CSMD1: variants seen among roughly 807,000 people sequenced by gnomAD.
The protein encoded by CSMD1 is CUB and sushi domain-containing protein 1.
In CSMD1, 213 loss-of-function variants were observed where a neutral mutation model predicts 417.5. The observed-to-expected ratio is 0.51, with a 90% CI of 0.46 to 0.57. The LOEUF (loss-of-function observed/expected upper bound fraction) is 0.57, where lower values mean the gene tolerates loss of function less well. CSMD1 is among the 20% of genes least tolerant of loss of function. The pLI, the probability that CSMD1 is intolerant of heterozygous loss-of-function variation, is 0.00. For synonymous variants in CSMD1, 2,862 were observed against 1,736.8 expected (o/e 1.65, Z -16.11); for missense variants, 6,923 against 4,529.7 (o/e 1.53, Z -15.17).
chr8:4,481,637 G>C (rs1442607726), intron 2 of CSMD1, among the ~76,000 whole-genome samples: 1 of 152,100 alleles, frequency 6.6e-6, no homozygotes, highest in Non-Finnish European at 1.5e-5. Flanking sequence ...GGAAATAAAA[G>C]CACCAAGAGG....
intron 41 of CSMD1, among the ~76,000 whole-genome samples, chr8:3,141,934 A>T (rs1026779626): frequency 4.6e-5 from 7 of 151,434 alleles, no homozygotes; most frequent in African/African-American, 1.5e-4. Flanking sequence ...AGTAGCTGGG[A>T]CTACAGGCGC....
At chr8:4,381,655 A>T (rs1231231578) in intron 3 of CSMD1, among the ~76,000 whole-genome samples, 1 of 151,960 alleles carries the variant, frequency 6.6e-6, no homozygotes, top group Non-Finnish European at 1.5e-5. Context: ...CCATCCCCCA[A>T]CCCTCATTCC....
chr8:2,968,567 T>C (rs1804170883), intron 57 of CSMD1, among the ~76,000 whole-genome samples: 1 of 152,194 alleles, frequency 6.6e-6, no homozygotes, highest in South Asian at 2.1e-4. Context: ...GAAAGTAAAA[T>C]TCATGATTAG....
At chr8:4,623,845 G>C (rs1168240691) in intron 2 of CSMD1, among the ~76,000 whole-genome samples, 1 of 152,060 alleles carries the variant, frequency 6.6e-6, no homozygotes, top group Non-Finnish European at 1.5e-5. Flanking sequence ...ACAAAACTTA[G>C]AACACAGGAT....
intron 5 of CSMD1, among the ~76,000 whole-genome samples, chr8:3,804,351 G>C (rs915192387): frequency 6.6e-6 from 1 of 152,022 alleles, no homozygotes; most frequent in African/African-American, 2.4e-5. Context: ...AAAAGAAGCA[G>C]TATCAAAAAT....
At chr8:3,777,926 T>C (rs566765978) in intron 5 of CSMD1, among the ~76,000 whole-genome samples, 43 of 151,642 alleles carry the variant, frequency 2.8e-4, no homozygotes, top group African/African-American at 1.0e-3. Flanking sequence ...CGCAGCCTCC[T>C]TGAAGGGCAG....
At chr8:2,993,011 G>A (rs1392515391) in intron 54 of CSMD1, among the ~76,000 whole-genome samples, 3 of 152,144 alleles carry the variant, frequency 2.0e-5, no homozygotes, top group Non-Finnish European at 2.9e-5. Context: ...GGGACTAAAA[G>A]CATGAGTCAC....
At chr8:2,993,814 C>A (rs1028028476) in intron 54 of CSMD1, among the ~76,000 whole-genome samples, 1 of 151,922 alleles carries the variant, frequency 6.6e-6, no homozygotes, top group Admixed American at 6.6e-5. Flanking sequence ...TGGAGTTACT[C>A]CCCTGCATTG....
chr8:3,437,771 A>G (rs554881417), intron 12 of CSMD1, among the ~76,000 whole-genome samples: 1 of 148,228 alleles, frequency 6.7e-6, no homozygotes, highest in African/African-American at 2.5e-5. Context: ...TTTTTGTTTC[A>G]GAGTCTTGCT....
chr8:4,001,473 T>C (rs995536296), intron 4 of CSMD1, among the ~76,000 whole-genome samples: 2 of 152,170 alleles, frequency 1.3e-5, no homozygotes, highest in Non-Finnish European at 2.9e-5. Flanking sequence ...GGTTCTTTTT[T>C]ATTTTAACAG....
intron 8 of CSMD1, among the ~76,000 whole-genome samples, chr8:3,594,818 G>T (rs1801016667): frequency 6.6e-6 from 1 of 152,314 alleles, no homozygotes; most frequent in East Asian, 1.9e-4. Context: ...ACCGCGGTGT[G>T]TCATTCACCT....
chr8:3,508,306 G>C (rs563209326), intron 10 of CSMD1, among the ~76,000 whole-genome samples: 1 of 150,774 alleles, frequency 6.6e-6, no homozygotes, highest in African/African-American at 2.4e-5. Flanking sequence ...CCCAGGGCAG[G>C]TGAGAACACT....
At chr8:4,189,298 T>C (rs1032515641) in intron 3 of CSMD1, among the ~76,000 whole-genome samples, 1 of 152,148 alleles carries the variant, frequency 6.6e-6, no homozygotes, top group African/African-American at 2.4e-5. Flanking sequence ...CAAGAAAACA[T>C]GTTGAGTAAA....
chr8:3,147,786 AAC>A (rs1313983486), intron 40 of CSMD1, among the ~76,000 whole-genome samples: 15 of 152,198 alleles, frequency 9.9e-5, no homozygotes, highest in African/African-American at 9.6e-5. Flanking sequence ...AATATTGTTT[AAC>A]ACAGTTTCCC....
chr8:4,119,145 G>A (rs1358373000), intron 3 of CSMD1, among the ~76,000 whole-genome samples: 2 of 151,984 alleles, frequency 1.3e-5, no homozygotes, highest in African/African-American at 4.8e-5. Context: ...ATGCATGTCG[G>A]GCTTAAAACC....
intron 2 of CSMD1, among the ~76,000 whole-genome samples, chr8:4,461,759 G>C (rs78809667): frequency 2.5e-5 from 2 of 80,984 alleles, no homozygotes; most frequent in South Asian, 4.8e-4. Context: ...TTTTTTTTTG[G>C]AGATGGAGTC....
intron 1 of CSMD1, among the ~76,000 whole-genome samples, chr8:4,687,099 G>C (rs1300265601): frequency 1.3e-5 from 2 of 152,198 alleles, no homozygotes; most frequent in East Asian, 3.9e-4. Flanking sequence ...GGCTAACTCT[G>C]TGGTCGATAA....
chr8:4,736,221 G>C (rs1009479276), intron 1 of CSMD1, among the ~76,000 whole-genome samples: 6 of 152,078 alleles, frequency 3.9e-5, no homozygotes, highest in African/African-American at 1.2e-4. Context: ...GAAAAATGCT[G>C]TAAAAAATTT....
At chr8:3,058,488 G>A (rs1321816655) in intron 49 of CSMD1, among the ~76,000 whole-genome samples, 2 of 152,002 alleles carry the variant, frequency 1.3e-5, no homozygotes, top group Admixed American at 6.6e-5. Context: ...GATCCTTTTT[G>A]GTGCTAATTG....
Sources: allele counts gnomAD v4.1 joint callset (sites outside exome capture counted in the v4.1 genomes callset), GRCh38; gene constraint gnomAD v4.1.1; transcripts MANE v1.5; gene names NCBI Gene and HGNC (gene_info 2026-07-23, HGNC 2026-07-21).